Variants in B3GAT2 observed in about 807,000 individuals in gnomAD.
B3GAT2 encodes galactosylgalactosylxylosylprotein 3-beta-glucuronosyltransferase 2.
A neutral mutation model predicts 27.8 loss-of-function variants in B3GAT2; 26 were observed. The observed-to-expected ratio is 0.93, with a 90% CI of 0.68 to 1.30. The LOEUF (loss-of-function observed/expected upper bound fraction) is 1.30, where lower values mean the gene tolerates loss of function less well. Among genes scored for constraint, B3GAT2 ranks in the 50% most tolerant of loss-of-function variants. B3GAT2 has a pLI of 0.00. For missense variants in B3GAT2, 458 were observed against 459.0 expected (o/e 1.00, Z 0.02); for synonymous variants, 218 against 195.1 (o/e 1.12, Z -0.98).
intron 2 of B3GAT2, among the ~76,000 whole-genome samples, chr6:70,864,831 A>G (rs1207442951): frequency 6.6e-6 from 1 of 152,120 alleles, no homozygotes; most frequent in Non-Finnish European, 1.5e-5. Context: ...TTCAAGTATT[A>G]TATCTTTCCT....
intron 1 of B3GAT2, among the ~76,000 whole-genome samples, chr6:70,920,949 T>C (rs561896567): frequency 6.6e-6 from 1 of 152,318 alleles, no homozygotes; most frequent in African/African-American, 2.4e-5. Flanking sequence ...TGAACATAGG[T>C]CTCCAAATCT....
chr6:70,925,978 G>A (rs905643209), intron 1 of B3GAT2, among the ~76,000 whole-genome samples: 6 of 152,280 alleles, frequency 3.9e-5, no homozygotes, highest in South Asian at 4.1e-4. Context: ...AACATTTGCC[G>A]TTCTGCAATA....
chr6:70,922,201 T>C (rs931962537), intron 1 of B3GAT2, among the ~76,000 whole-genome samples: 4 of 152,128 alleles, frequency 2.6e-5, no homozygotes, highest in African/African-American at 4.8e-5. Context: ...CCAAATAACA[T>C]AGTTTCAAAA....
intron 1 of B3GAT2, among the ~76,000 whole-genome samples, chr6:70,933,395 TTAAAA>T (rs1477116291): frequency 6.6e-6 from 1 of 152,012 alleles, no homozygotes; most frequent in African/African-American, 2.4e-5. Flanking sequence ...ATGAAAAAAA[TTAAAA>T]TAAATTTTCA....
intron 1 of B3GAT2, among the ~76,000 whole-genome samples, chr6:70,926,453 A>G (rs1772960589): frequency 1.3e-5 from 2 of 152,238 alleles, no homozygotes; most frequent in African/African-American, 4.8e-5. Context: ...ATGGCTAATT[A>G]CAATAAACAG....
At chr6:70,916,599 G>A (rs1173291103) in intron 1 of B3GAT2, among the ~76,000 whole-genome samples, 1 of 152,158 alleles carries the variant, frequency 6.6e-6, no homozygotes, top group Non-Finnish European at 1.5e-5. Flanking sequence ...AGAGTTTTTA[G>A]CATGAAAGGC....
At chr6:70,881,129 G>A (rs1772093018) in intron 2 of B3GAT2, among the ~76,000 whole-genome samples, 1 of 152,084 alleles carries the variant, frequency 6.6e-6, no homozygotes, top group African/African-American at 2.4e-5. Context: ...GGAGGGCTTT[G>A]GGATCCACTC....
intron 1 of B3GAT2, among the ~76,000 whole-genome samples, chr6:70,945,249 A>G (rs906559454): frequency 1.2e-4 from 19 of 152,304 alleles, no homozygotes; most frequent in African/African-American, 4.6e-4. Context: ...TTGAGAGAAG[A>G]AGGCTTCAGA....
intron 1 of B3GAT2, among the ~76,000 whole-genome samples, chr6:70,922,711 T>C (rs2150042568): frequency 6.6e-6 from 1 of 151,248 alleles, no homozygotes; most frequent in African/African-American, 2.4e-5. Context: ...TAATAAATAT[T>C]GAAAAGAAGA....
rs141268241 is a variant in B3GAT2 at position 70,894,406 on chromosome 6, C to A, written c.592-134G>T. On this transcript the variant is annotated intron_variant, in intron 1 of 3. Coordinates refer to ENST00000230053, the MANE Select transcript of B3GAT2 (RefSeq NM_080742.3). ...AAAGCTGAAGGTTTCAAAACAGAATCCTTCTGCTGCTAGAGTATGGCCCCC... is the reference window on the plus strand; with the variant it reads ...AAAGCTGAAGGTTTCAAAACAGAATACTTCTGCTGCTAGAGTATGGCCCCC... 9.5e-4 allele frequency: 917 copies of A among 966,860 alleles called. 7 individuals are homozygous for A. In the African/African-American group the frequency reaches 0.014, roughly 15 times the overall value. The allele number at this position is 966,860 out of a possible 1,614,324, so 59.9% of individuals were successfully genotyped here.
intron 2 of B3GAT2, among the ~76,000 whole-genome samples, chr6:70,886,478 T>C (rs959173992): frequency 2.6e-5 from 4 of 152,188 alleles, no homozygotes; most frequent in Non-Finnish European, 5.9e-5. Flanking sequence ...ATGAATGTTT[T>C]ATTCCATTGA....
At chr6:70,872,142 G>A (rs1356683610) in intron 2 of B3GAT2, among the ~76,000 whole-genome samples, 3 of 151,868 alleles carry the variant, frequency 2.0e-5, no homozygotes, top group Non-Finnish European at 4.4e-5. Flanking sequence ...ATGTTCCATT[G>A]TGCCTTTGAG....
At chr6:70,938,324 C>G (rs1236507214) in intron 1 of B3GAT2, among the ~76,000 whole-genome samples, 1 of 141,414 alleles carries the variant, frequency 7.1e-6, no homozygotes, top group Non-Finnish European at 1.5e-5. Context: ...AATGGCCATA[C>G]TGCCCAAGGT....
At chr6:70,934,736 T>C (rs1773114455) in intron 1 of B3GAT2, among the ~76,000 whole-genome samples, 2 of 152,150 alleles carry the variant, frequency 1.3e-5, no homozygotes, top group African/African-American at 4.8e-5. Flanking sequence ...AATTACTTCT[T>C]TACGTAAAAA....
At chr6:70,927,697 A>T (rs925325781) in intron 1 of B3GAT2, among the ~76,000 whole-genome samples, 70 of 152,172 alleles carry the variant, frequency 4.6e-4, no homozygotes, top group African/African-American at 1.5e-3. Flanking sequence ...GAAACCTACA[A>T]AGAGACTTAG....
chr6:70,887,827 C>T (rs941747912), intron 2 of B3GAT2, among the ~76,000 whole-genome samples: 4 of 152,248 alleles, frequency 2.6e-5, no homozygotes, highest in African/African-American at 7.2e-5. Context: ...CATTTCCAGG[C>T]AGGGGCATCA....
intron 1 of B3GAT2, among the ~76,000 whole-genome samples, chr6:70,936,808 T>C (rs931174804): frequency 7.3e-5 from 11 of 151,488 alleles, no homozygotes; most frequent in Non-Finnish European, 1.2e-4. Context: ...GCAGGAAAGA[T>C]CCAAAATTGA....
rs1771490193 is a variant in B3GAT2 at position 70,857,700 on chromosome 6, CTTAATTAAA to C, written c.*3954_*3962del. On this transcript the variant is annotated 3_prime_UTR_variant, in exon 4 of 4. Transcript: ENST00000230053. ...TGGCTGTTGCATATGATTTACATTT[CTTAATTAAA>C]TTTACTCAGGTTAATAACTGATTTG... 5.5e-6 allele frequency: 3 copies of C among 548,540 alleles called. No homozygotes were observed. The highest frequency in any genetic ancestry group is 9.7e-6 in the Non-Finnish European group (3 of 309,126). 34.0% of individuals were successfully genotyped at this position (548,540 alleles called of 1,614,324 possible).
chr6:70,956,858 G>A lies in B3GAT2; in HGVS notation c.-429C>T. 1 of 1,028,450 alleles carries A rather than the reference G, an allele frequency of 9.7e-7. No individual in the cohort carries two copies. Among genetic ancestry groups the A allele is most frequent in the Non-Finnish European group, 1.2e-6 (1 of 858,066 alleles). 63.7% of individuals were successfully genotyped at this position (1,028,450 alleles called of 1,614,324 possible). ...TGCTGCGGGCACAAGGGCTCCAGCC[G>A]CGGGCCCCCAGGACGCTCTCTGGGA... On this transcript the variant is annotated 5_prime_UTR_variant, in exon 1 of 4. Transcript: ENST00000230053.
Sources: gnomAD v4.1 joint callset for allele counts (sites outside exome capture counted in the v4.1 genomes callset) on GRCh38, gnomAD v4.1.1 for gene constraint, MANE v1.5 for transcripts, NCBI Gene and HGNC (gene_info 2026-07-23, HGNC 2026-07-21) for gene names.